The following PRH1 variants were observed in gnomAD, a reference collection of about 807,000 sequenced individuals.
PRH1 encodes the protein proline rich protein HaeIII subfamily 1.
A neutral mutation model predicts 7.9 loss-of-function variants in PRH1; 7 were observed. That is an observed-to-expected ratio of 0.89 (90% CI 0.50 to 1.67). The LOEUF (loss-of-function observed/expected upper bound fraction) is 1.67, where lower values mean the gene tolerates loss of function less well. Ranked by LOEUF, PRH1 falls within the 40% of genes most tolerant of loss-of-function variation. The probability of loss-of-function intolerance (pLI) is 0.00; values close to 1 mark genes in which losing one functional copy is unlikely to be tolerated. For missense variants in PRH1, 109 were observed against 223.6 expected (o/e 0.49, Z 3.27); for synonymous variants, 45 against 80.8 (o/e 0.56, Z 2.38).
At chr12:11,066,910 T>C (rs1463751749) in intron 1 of PRH1, among the ~76,000 whole-genome samples, 1 of 152,086 alleles carries the variant, frequency 6.6e-6, no homozygotes, top group African/African-American at 2.4e-5. Flanking sequence ...TAAAAATTCA[T>C]AGCAAAAGTG....
intron 2 of PRH1, among the ~76,000 whole-genome samples, chr12:10,928,655 G>A (rs1206117001): frequency 6.6e-6 from 1 of 152,158 alleles, no homozygotes; most frequent in African/African-American, 2.4e-5. Context: ...GGAGGCTGCG[G>A]GGCAGCCTTC....
intron 1 of PRH1, among the ~76,000 whole-genome samples, chr12:11,103,020 A>T (rs546227502): frequency 6.6e-6 from 1 of 152,208 alleles, no homozygotes; most frequent in African/African-American, 2.4e-5. Context: ...TAGAATGGCA[A>T]TCATTAAAAA....
At chr12:10,884,463 A>G (rs767743895), upstream of PRH1, among the ~76,000 whole-genome samples, 1 of 152,324 alleles carries the variant, frequency 6.6e-6, no homozygotes, top group African/African-American at 2.4e-5. Context: ...AGGCACAACT[A>G]TGACTTGGAC....
At chr12:10,977,921 G>T (rs1316622400) in intron 1 of PRH1, among the ~76,000 whole-genome samples, 1 of 152,020 alleles carries the variant, frequency 6.6e-6, no homozygotes, top group Non-Finnish European at 1.5e-5. Context: ...ACACAGACAA[G>T]TGGAAAAAGA....
chr12:10,887,427 A>G (rs1396153955), upstream of PRH1, among the ~76,000 whole-genome samples: 1 of 152,146 alleles, frequency 6.6e-6, no homozygotes, highest in Non-Finnish European at 1.5e-5. Context: ...TGGTGACACT[A>G]TTATGGCCAA....
chr12:11,038,740 T>C (rs1342859362), intron 1 of PRH1, among the ~76,000 whole-genome samples: 1 of 152,256 alleles, frequency 6.6e-6, no homozygotes, highest in Non-Finnish European at 1.5e-5. Context: ...AACTCAGTGA[T>C]ATGCATGTGA....
At chr12:11,126,609 G>A (rs1472262930) in intron 1 of PRH1, among the ~76,000 whole-genome samples, 2 of 146,392 alleles carry the variant, frequency 1.4e-5, no homozygotes, top group Non-Finnish European at 3.0e-5. Flanking sequence ...TGATAAGAGT[G>A]CAATAGTGGG....
At chr12:10,953,826 C>T (rs995996635) in intron 2 of PRH1, among the ~76,000 whole-genome samples, 4 of 151,742 alleles carry the variant, frequency 2.6e-5, no homozygotes, top group East Asian at 1.9e-4. Flanking sequence ...TTCTCCAAGG[C>T]GAAAATGAAA....
At chr12:11,138,309 C>T (rs563771380) in intron 1 of PRH1, among the ~76,000 whole-genome samples, 4 of 152,232 alleles carry the variant, frequency 2.6e-5, no homozygotes, top group Non-Finnish European at 4.4e-5. Context: ...CTATAGCAGT[C>T]AAAGTAGCAT....
At chr12:10,929,256 A>G in intron 2 of PRH1, 1 of 1,614,194 alleles carries the variant, frequency 6.2e-7, no homozygotes, top group Non-Finnish European at 8.5e-7. Context: ...TGGGAGTGAC[A>G]CCAGAGCCTT....
Position 11,079,120 on chromosome 12 carries a change from TATTA to T in PRH1, n.124-31936_124-31933del, listed in dbSNP as rs1324601570. On this transcript the variant is annotated intron_variant and non_coding_transcript_variant, in intron 1 of 4. Transcript: ENST00000541977. ...GTCTCAAGTCTGTTTTTTGTTTAAA[TATTA>T]ATTATGTAATTAAAATATTCAGCAA... is the stretch of plus-strand genomic sequence containing the variant. The T allele has an allele frequency of 3.8e-4, 50 of 133,198 alleles. 4 individuals carry two copies. The highest frequency in any genetic ancestry group is 2.9e-3 in the Admixed American group (38 of 13,094). The allele number at this position is 133,198 out of a possible 1,614,324, so 8.3% of individuals were successfully genotyped here. A position where few individuals can be genotyped will look rare whatever the true frequency, so the allele number is the denominator to read the frequency against.
intron 1 of PRH1, chr12:11,077,958 G>C: frequency 1.1e-6 from 1 of 895,170 alleles, no homozygotes; most frequent in Non-Finnish European, 1.8e-6. Flanking sequence ...CAAGCCAGAT[G>C]CTGAAATGGT....
intron 1 of PRH1, among the ~76,000 whole-genome samples, chr12:11,101,554 T>C (rs1483376714): frequency 2.0e-5 from 3 of 152,204 alleles, no homozygotes; most frequent in South Asian, 2.1e-4. Flanking sequence ...CCTCTATTCT[T>C]TATTCAGCAA....
At chr12:10,999,789 C>G (rs574195291) in intron 1 of PRH1, among the ~76,000 whole-genome samples, 49 of 152,234 alleles carry the variant, frequency 3.2e-4, no homozygotes, top group Admixed American at 5.9e-4. Flanking sequence ...CTTGGTCTGT[C>G]CTGCTTTGAA....
intron 1 of PRH1, among the ~76,000 whole-genome samples, chr12:11,103,634 A>G (rs1040075498): frequency 6.6e-6 from 1 of 152,160 alleles, no homozygotes; most frequent in East Asian, 1.9e-4. Flanking sequence ...ACATGTATCC[A>G]TATGTAACAA....
intron 1 of PRH1, among the ~76,000 whole-genome samples, chr12:11,157,095 C>T (rs759914743): frequency 4.6e-5 from 7 of 151,676 alleles, no homozygotes; most frequent in African/African-American, 1.5e-4. Flanking sequence ...ATCTGCCTGC[C>T]GCAGCCTCCC....
In PRH1 at chr12:10,953,545, A is replaced by G. The variant is rs564551479; in HGVS notation, c.-59+20110T>C. Among the ~76,000 whole-genome samples the G allele has an allele frequency of 2.0e-5, 3 of 152,342 alleles. No homozygotes were observed. In the East Asian group the frequency reaches 5.8e-4, roughly 29 times the overall value. On this transcript the variant is annotated intron_variant, in intron 2 of 3. Transcript: ENST00000539853. ...CAAGAGTAGTCCTCTGAAATTACTC[A>G]GTCAGGCAAAAATAAAGAAAAATAA...
At chr12:11,165,673 A>AC (rs1158364250) in intron 1 of PRH1, among the ~76,000 whole-genome samples, 1 of 53,576 alleles carries the variant, frequency 1.9e-5, no homozygotes, top group African/African-American at 4.1e-5. Context: ...GATAAATATT[A>AC]CCCCTCAAAA....
chr12:11,151,605 G>C (rs555123531), intron 1 of PRH1, among the ~76,000 whole-genome samples: 2 of 151,930 alleles, frequency 1.3e-5, no homozygotes, highest in African/African-American at 4.8e-5. Context: ...TTCCATTCCT[G>C]CTTCCATGGT....
Sources: allele counts gnomAD v4.1 joint callset (sites outside exome capture counted in the v4.1 genomes callset), GRCh38; gene constraint gnomAD v4.1.1; transcripts MANE v1.5; gene names NCBI Gene and HGNC (gene_info 2026-07-23, HGNC 2026-07-21).